Variants in TH observed in about 807,000 individuals in gnomAD.
TH encodes the protein tyrosine hydroxylase, also known as tyrosine 3-monooxygenase.
In TH, 49 loss-of-function variants were observed where a neutral mutation model predicts 57.4. The observed-to-expected ratio is 0.85, with a 90% CI of 0.68 to 1.08. The LOEUF is 1.08. TH is among the 50% of genes least tolerant of loss of function. The pLI is 0.00. For missense variants in TH, 720 were observed against 696.7 expected, an observed-to-expected ratio of 1.03 and a Z score of -0.38; for synonymous variants, 330 against 304.5, an observed-to-expected ratio of 1.08 and a Z score of -0.87.
chr11:2,166,234 C>G (rs1192451176), intron 9 of TH, 176 bp from the exon 10 acceptor site: 1 of 878,440 alleles, frequency 1.1e-6, no homozygotes. Context: ...CTCCAGGCAG[C>G]CCTCCTTGAC....
rs1846248874 is a variant in TH at position 2,171,241 on chromosome 11, G to A, written c.90+456C>T. On this transcript the variant is annotated intron_variant, in intron 1 of 12. Coordinates refer to ENST00000352909, the MANE Select transcript of TH (RefSeq NM_000360.4). The surrounding 1 kb of genome is among the most constrained non-coding windows in gnomAD (Gnocchi z 8.6). ...CTGCTAGAGCCTGGGAAGGGCCTTG[G>A]GGCTGCCTCCCCAAGCAGGCAGGCT... is the stretch of plus-strand genomic sequence containing the variant. 6.6e-6 allele frequency among the ~76,000 whole-genome samples: 1 copy of A among 151,970 alleles called. No homozygotes were observed. The highest frequency in any genetic ancestry group is 2.1e-4 in the South Asian group (1 of 4,804).
At chr11:2,166,852 C>T (rs371216251) in intron 7 of TH, 35 bp downstream of exon 7, 157 of 1,587,920 alleles carry the variant, frequency 9.9e-5, no homozygotes, top group Non-Finnish European at 1.3e-4. Flanking sequence ...CCATCCCCGG[C>T]CCCCCGGCTC....
At chr11:2,169,591 C>T in intron 2 of TH, 59 bp downstream of exon 2, 1 of 1,559,572 alleles carries the variant, frequency 6.4e-7, no homozygotes, top group South Asian at 1.1e-5. Context: ...AGGAACTCAG[C>T]CCACACAGCC....
In TH at chr11:2,170,700, G is replaced by A. The variant is rs1590172312; in HGVS notation, c.91-829C>T. The A allele has an allele frequency of 1.9e-6, 3 of 1,605,878 alleles. No homozygotes were observed. Among genetic ancestry groups the A allele is most frequent in the East Asian group, 4.5e-5 (2 of 44,600 alleles). ...TCCCCTCTTACTTACCCTTGGGGTG[G>A]GGGTGTAGGATGCAGCTGGGGCTGC... On this transcript the variant is annotated intron_variant, in intron 1 of 12. Coordinates refer to ENST00000352909, the MANE Select transcript of TH (RefSeq NM_000360.4). This position sits in a 1 kb window ranked among gnomAD's most constrained non-coding sequence, Gnocchi z 6.0.
In TH at chr11:2,169,701, G is replaced by A. The variant is rs1270322080; in HGVS notation, c.261C>T (p.Ser87=). 6.2e-7 allele frequency: 1 copy of A among 1,613,398 alleles called. No individual in the cohort carries two copies. Among genetic ancestry groups the A allele is most frequent in the Non-Finnish European group, 8.5e-7 (1 of 1,179,916 alleles). Residue 87 remains serine (S), a synonymous_variant, in exon 2 of 13, where the codon TCC becomes TCT. Transcript: ENST00000352909. The part of the protein sequence containing the change: ...EGKAVLNLLF[S]PRATKPSALS... ...GCGCCGAGGGCTTGGTGGCCCTCGG[G>A]GAGAAGAGCAGGTTTAGCACGGCCT...
intron 9 of TH, 24 bp downstream of exon 9, chr11:2,166,456 G>A (rs779596561): frequency 6.4e-7 from 1 of 1,555,784 alleles, no homozygotes; most frequent in Non-Finnish European, 8.6e-7. Flanking sequence ...GGTGACCCCG[G>A]CTCCCTCCGA....
At chr11:2,165,943 G>A (rs1198262765) in intron 10 of TH, 59 bp downstream of exon 10, 15 of 1,536,628 alleles carry the variant, frequency 9.8e-6, no homozygotes, top group African/African-American at 1.4e-5. Context: ...AAGAGGGTGA[G>A]GCCTGGATTC....
In TH at chr11:2,166,125, G is replaced by A. The variant is rs376865217; in HGVS notation, c.1048-67C>T. 3.7e-4 allele frequency: 552 copies of A among 1,508,310 alleles called. 6 individuals are homozygous for A. In the African/African-American group the frequency reaches 6.6e-3, roughly 18 times the overall value. 93.4% of individuals were successfully genotyped at this position (1,508,310 alleles called of 1,614,324 possible). A position where few individuals can be genotyped will look rare whatever the true frequency, so the allele number is the denominator to read the frequency against. On this transcript the variant is annotated intron_variant, in intron 9 of 12. Transcript: ENST00000352909. ...GGGTCATGCTCGAGGTGGGGGCACC[G>A]GGGGTGTCAGCAGCCCCTCCAGGGG... is the stretch of plus-strand genomic sequence containing the variant.
At chr11:2,166,170 G>C (rs1846084442) in intron 9 of TH, 112 bp from the exon 10 acceptor site, 1 of 1,227,994 alleles carries the variant, frequency 8.1e-7, no homozygotes, top group Admixed American at 2.0e-5. Flanking sequence ...CACTTCCCTG[G>C]CGGCAGAGAC....
chr11:2,168,008 C>A, intron 4 of TH, 75 bp from the exon 5 acceptor site: 4 of 1,609,898 alleles, frequency 2.5e-6, no homozygotes, highest in Non-Finnish European at 3.4e-6. Context: ...CTCCTGGAGC[C>A]GACAGACTCC....
chr11:2,169,919 G>C (rs1307406586), intron 1 of TH, 48 bp from the exon 2 acceptor site: 1 of 1,564,998 alleles, frequency 6.4e-7, no homozygotes, highest in Non-Finnish European at 8.7e-7. Flanking sequence ...CTGAGACCCG[G>C]GGACCTCCAC....
In TH at chr11:2,171,690, C is replaced by A. The variant is rs746965239; in HGVS notation, c.90+7G>T. 23 of 1,611,542 alleles carry A rather than the reference C, an allele frequency of 1.4e-5. No individual in the cohort carries two copies. The highest frequency in any genetic ancestry group is 5.1e-6 in the Non-Finnish European group (6 of 1,179,788). On this transcript the variant is annotated splice_region_variant and intron_variant, in intron 1 of 12. Coordinates refer to ENST00000352909, the MANE Select transcript of TH (RefSeq NM_000360.4). The surrounding 1 kb of genome is among the most constrained non-coding windows in gnomAD (Gnocchi z 8.6). ...TGCGGCCGCCGGGCACCTACCTGCC[C>A]TCTTACCATGATGGCCTCTGCCTGC...
intron 3 of TH, 59 bp from the exon 4 acceptor site, chr11:2,168,238 C>G: frequency 6.4e-7 from 1 of 1,570,114 alleles, no homozygotes; most frequent in Non-Finnish European, 8.8e-7. Context: ...GCTGTGTCAC[C>G]CACCTTGAAG....
At position 2,164,340 on chromosome 11, in the gene TH, T is replaced by C; in HGVS notation, c.1387A>G (p.Thr463Ala). ...RPFSVKFDPY[T>A]LAIDVLDSPQ... ...CTGTCCAGCACGTCGATGGCCAGCG[T>C]GTACGGGTCGAACTTCACGGAGAAG... Residue 463 changes from threonine to alanine, a missense_variant, in exon 13 of 13, where the codon ACG becomes GCG. Physicochemically the swap from Thr to Ala is moderately conservative, Grantham distance 58. Coordinates refer to ENST00000352909, the MANE Select transcript of TH (RefSeq NM_000360.4). 6.5e-7 allele frequency: 1 copy of C among 1,544,990 alleles called. No homozygotes were observed. Among genetic ancestry groups the C allele is most frequent in the Non-Finnish European group, 8.8e-7 (1 of 1,142,506 alleles).
chr11:2,171,735 C>T lies in TH; in HGVS notation c.52G>A (p.Val18Met), dbSNP rs776878220. 38 of 1,612,712 alleles carry T rather than the reference C, an allele frequency of 2.4e-5. No homozygotes were observed. The highest frequency in any genetic ancestry group is 6.6e-5 in the South Asian group (6 of 91,062). Residue 18 changes from valine to methionine, a missense_variant, in exon 1 of 13, where the codon GTG becomes ATG. Transcript: ENST00000352909. The surrounding 1 kb of genome is among the most constrained non-coding windows in gnomAD (Gnocchi z 8.6). Reference protein sequence around the residue: ...TPQAKGFRRAVSELDAKQAEA... With the variant: ...TPQAKGFRRAMSELDAKQAEA... ...GCCTGCTTGGCGTCCAGCTCAGACA[C>T]GGCCCTGCGGAAGCCCTTGGCCTGT...
In TH at chr11:2,165,737, C is replaced by T. The variant is rs1327616805; in HGVS notation, c.1131G>A (p.Gly377=). 1.2e-6 allele frequency: 2 copies of T among 1,612,756 alleles called. No homozygotes were observed. The highest frequency in any genetic ancestry group is 1.7e-5 in the Admixed American group (1 of 60,016). ...TCACCTCCCCGTTCTGCTTACACAG[C>T]CCGAACTCCACCGTGAACCAGTACA... ...STLYWFTVEF[G]LCKQNGEVKA... is the part of the protein sequence containing the mutation. The change falls in exon 11 of 13, where the codon GGG becomes GGA. Residue 377 remains glycine (G), a synonymous_variant. Transcript: ENST00000352909.
At chr11:2,168,686 A>G in intron 2 of TH, 21 bp from the exon 3 acceptor site, 5 of 1,345,414 alleles carry the variant, frequency 3.7e-6, no homozygotes, top group Non-Finnish European at 3.9e-6. Flanking sequence ...AAAAGCAGGA[A>G]GAGAGAGAGA....
chr11:2,169,821 C>T lies in TH; in HGVS notation c.141G>A (p.Lys47=). 6.2e-7 allele frequency: 1 copy of T among 1,611,166 alleles called. No homozygotes were observed. The highest frequency in any genetic ancestry group is 2.2e-5 in the East Asian group (1 of 44,854). Residue 47 remains lysine, a synonymous_variant, in exon 2 of 13, where the codon AAG becomes AAA. Coordinates refer to ENST00000352909, the MANE Select transcript of TH (RefSeq NM_000360.4). ...RRQSLIEDAR[K]EREAAVAAAA... The stretch of plus-strand genomic sequence containing the variant: ...CTGCTGCCACCGCCGCCTCCCGCTC[C>T]TTGCGGGCGTCCTCGATGAGGCTCT...
rs933723550 is a variant in TH at position 2,168,043 on chromosome 11, G to A, written c.576+48C>T. ...CTGTCCAGGGTTGGGCTAAGGGTAG[G>A]GGATGTGATCAGGGGCAGGAGGCCT... On this transcript the variant is annotated intron_variant, in intron 4 of 12. Coordinates refer to ENST00000352909, the MANE Select transcript of TH (RefSeq NM_000360.4). 10 of 1,611,292 alleles carry A rather than the reference G, an allele frequency of 6.2e-6. No homozygotes were observed. In the African/African-American group the frequency reaches 1.1e-4, roughly 17 times the overall value.
Sources: allele counts gnomAD v4.1 joint callset (sites outside exome capture counted in the v4.1 genomes callset), GRCh38; gene constraint gnomAD v4.1.1; non-coding constraint Gnocchi (gnomAD v3.1); transcripts MANE v1.5; gene names NCBI Gene and HGNC (gene_info 2026-07-23, HGNC 2026-07-21).